EYS: variants seen among roughly 807,000 people sequenced by gnomAD.
The protein encoded by EYS is EGF-like photoreceptor maintenance factor.
Under a neutral mutation model 282.1 loss-of-function variants are expected in EYS, and 250 were observed. The ratio of observed to expected loss-of-function variants is 0.89; its 90% CI spans 0.80 to 0.98. EYS has a LOEUF of 0.98. Ranked by LOEUF, EYS falls within the 50% of genes least tolerant of loss-of-function variation. EYS has a pLI of 0.00. For missense variants in EYS, 4,016 were observed against 3,709.0 expected (o/e 1.08, Z -2.15); for synonymous variants, 1,355 against 1,282.9 (o/e 1.06, Z -1.20).
At chr6:63,842,461 T>G (rs541107918) in intron 36 of EYS, among the ~76,000 whole-genome samples, 1 of 152,222 alleles carries the variant, frequency 6.6e-6, no homozygotes, top group African/African-American at 2.4e-5. Flanking sequence ...GGGGCTTGTT[T>G]TTTTCTTGTA....
chr6:64,753,315 A>G (rs2149971629), intron 22 of EYS, among the ~76,000 whole-genome samples: 1 of 152,208 alleles, frequency 6.6e-6, no homozygotes, highest in Non-Finnish European at 1.5e-5. Context: ...AACAGCAACA[A>G]CAACAACAAA....
intron 12 of EYS, among the ~76,000 whole-genome samples, chr6:65,279,021 T>A (rs1768143778): frequency 6.6e-6 from 1 of 152,028 alleles, no homozygotes; most frequent in Non-Finnish European, 1.5e-5. Flanking sequence ...AAACTCCATC[T>A]CTACTAAAAA....
At chr6:65,622,493 C>T (rs1766543221) in intron 2 of EYS, among the ~76,000 whole-genome samples, 1 of 151,916 alleles carries the variant, frequency 6.6e-6, no homozygotes, top group Admixed American at 6.6e-5. Context: ...TTCTTTTACA[C>T]ATTATTCAAT....
chr6:65,631,194 T>C (rs1766898058), intron 2 of EYS, among the ~76,000 whole-genome samples: 2 of 152,174 alleles, frequency 1.3e-5, no homozygotes, highest in Non-Finnish European at 2.9e-5. Flanking sequence ...GACCATTATT[T>C]GTGCTGTTGA....
chr6:64,945,546 T>C (rs768681022), intron 15 of EYS, among the ~76,000 whole-genome samples: 7 of 152,104 alleles, frequency 4.6e-5, no homozygotes, highest in Non-Finnish European at 1.0e-4. Context: ...TAAATGCATT[T>C]GTATCATTAC....
intron 12 of EYS, among the ~76,000 whole-genome samples, chr6:65,066,746 A>T (rs1484855050): frequency 1.3e-5 from 2 of 152,150 alleles, no homozygotes; most frequent in Non-Finnish European, 2.9e-5. Context: ...TTCTTAGTAG[A>T]CATTTGCTAA....
chr6:65,479,973 G>A (rs530363309), intron 5 of EYS, among the ~76,000 whole-genome samples: 2 of 148,756 alleles, frequency 1.3e-5, no homozygotes, highest in Middle Eastern at 3.4e-3. Context: ...GGCCAACATG[G>A]TGAAATCCTG....
At chr6:64,169,499 G>A (rs1189722224) in intron 31 of EYS, among the ~76,000 whole-genome samples, 2 of 149,258 alleles carry the variant, frequency 1.3e-5, no homozygotes, top group Non-Finnish European at 2.9e-5. Context: ...AAATCATGAA[G>A]ATATAGCAAG....
Position 65,057,664 on chromosome 6 carries a change from C to A in EYS, c.2087G>T (p.Cys696Phe), listed in dbSNP as rs980927028. 2.6e-6 allele frequency: 4 copies of A among 1,550,974 alleles called. No individual in the cohort carries two copies. In the African/African-American group the frequency reaches 5.5e-5, roughly 21 times the overall value. ...GAAGTAATTACCAGGTTGGTCAATG[C>A]AGGTGGCTCCATTTTTGCAGGGATG... is the stretch of plus-strand genomic sequence containing the variant. ...ASHPCKNGATCIDQPGNYFCQ... is the reference protein window; with the variant it reads ...ASHPCKNGATFIDQPGNYFCQ... The change falls in exon 13 of 43, where the codon TGC (cysteine) becomes TTC (phenylalanine). Residue 696 changes from cysteine to phenylalanine, a missense_variant. By Grantham distance (205) the Cys-to-Phe change is radical (BLOSUM62 -2). Transcript: ENST00000503581.
intron 23 of EYS, among the ~76,000 whole-genome samples, chr6:64,622,001 TA>T (rs140831948): frequency 6.6e-6 from 1 of 152,130 alleles, no homozygotes; most frequent in East Asian, 1.9e-4. Flanking sequence ...TCTATTTCTA[TA>T]AAAAACATCT....
intron 35 of EYS, among the ~76,000 whole-genome samples, chr6:63,923,213 T>G (rs1331512245): frequency 6.6e-6 from 1 of 152,166 alleles, no homozygotes; most frequent in Non-Finnish European, 1.5e-5. Flanking sequence ...TCCCCTAGAA[T>G]AGAAAATAAA....
At chr6:64,256,979 T>C (rs1767424046) in intron 30 of EYS, among the ~76,000 whole-genome samples, 1 of 152,096 alleles carries the variant, frequency 6.6e-6, no homozygotes, top group Admixed American at 6.6e-5. Flanking sequence ...TATTTGTTTC[T>C]TGCAGGTCAT....
intron 12 of EYS, among the ~76,000 whole-genome samples, chr6:65,144,474 C>T (rs1306735045): frequency 2.0e-5 from 3 of 152,002 alleles, no homozygotes; most frequent in Non-Finnish European, 2.9e-5. Flanking sequence ...AGAGAGAAAA[C>T]GAATTTGGTT....
At chr6:65,458,669 A>G (rs1006996195) in intron 5 of EYS, among the ~76,000 whole-genome samples, 1 of 152,158 alleles carries the variant, frequency 6.6e-6, no homozygotes, top group Non-Finnish European at 1.5e-5. Context: ...TAATTTAATC[A>G]AGTACATGTA....
At position 64,822,936 on chromosome 6, in the gene EYS, A is replaced by G. The variant is rs1255505796; in HGVS notation, c.2993-114T>C. 5.1e-6 allele frequency: 4 copies of G among 787,392 alleles called. No homozygotes were observed. In the East Asian group the frequency reaches 1.1e-4, roughly 22 times the overall value. 48.8% of individuals were successfully genotyped at this position (787,392 alleles called of 1,614,324 possible). A position where few individuals can be genotyped will look rare whatever the true frequency, so the allele number is the denominator to read the frequency against. Reference sequence around the variant, plus strand: ...ATGAAGACCTCTCTCTATAATGATAACTTGGTATTTGGTAGCAAAAGAAAA... The same window carrying G: ...ATGAAGACCTCTCTCTATAATGATAGCTTGGTATTTGGTAGCAAAAGAAAA... On this transcript the variant is annotated intron_variant, in intron 19 of 42. Coordinates refer to ENST00000503581, the MANE Select transcript of EYS (RefSeq NM_001142800.2).
At chr6:65,552,796 T>C (rs1487793213) in intron 2 of EYS, among the ~76,000 whole-genome samples, 1 of 152,194 alleles carries the variant, frequency 6.6e-6, no homozygotes, top group Non-Finnish European at 1.5e-5. Flanking sequence ...TAATTATCTT[T>C]CATATTAGAG....
intron 28 of EYS, among the ~76,000 whole-genome samples, chr6:64,416,028 G>A (rs946415444): frequency 6.6e-5 from 10 of 152,254 alleles, no homozygotes; most frequent in African/African-American, 1.4e-4. Context: ...AGCTGCTCGT[G>A]TGCTATTCCA....
At chr6:63,866,156 A>G (rs978005018) in intron 35 of EYS, among the ~76,000 whole-genome samples, 2 of 152,224 alleles carry the variant, frequency 1.3e-5, no homozygotes, top group African/African-American at 4.8e-5. Context: ...CTGCTTAGCT[A>G]ATGCTGTTCC....
At chr6:64,423,757 G>T (rs766599776) in intron 28 of EYS, among the ~76,000 whole-genome samples, 73 of 152,096 alleles carry the variant, frequency 4.8e-4, no homozygotes, top group Non-Finnish European at 2.9e-5. Flanking sequence ...GCAGTGAGCC[G>T]AGATCATGCC....
Sources: allele counts gnomAD v4.1 joint callset (sites outside exome capture counted in the v4.1 genomes callset), GRCh38; gene constraint gnomAD v4.1.1; transcripts MANE v1.5; gene names NCBI Gene and HGNC (gene_info 2026-07-23, HGNC 2026-07-21).